Variants in PDE11A observed in about 807,000 individuals in gnomAD.
PDE11A encodes the protein dual 3',5'-cyclic-AMP and -GMP phosphodiesterase 11A.
A neutral mutation model predicts 100.5 loss-of-function variants in PDE11A; 100 were observed. That is an observed-to-expected ratio of 1.00 (90% CI 0.85 to 1.18). PDE11A has a LOEUF of 1.18. Among genes scored for constraint, PDE11A ranks in the 50% most tolerant of loss-of-function variants. The pLI is 0.00. For missense variants in PDE11A, 1,141 were observed against 1,152.6 expected, an observed-to-expected ratio of 0.99 and a Z score of 0.15; for synonymous variants, 381 against 420.8, an observed-to-expected ratio of 0.91 and a Z score of 1.16.
intron 10 of PDE11A, among the ~76,000 whole-genome samples, chr2:177,761,182 G>C (rs1347741244): frequency 6.6e-6 from 1 of 152,112 alleles, no homozygotes; most frequent in Non-Finnish European, 1.5e-5. Context: ...TATCATTACA[G>C]CACACTCCAA....
rs182637855 is a variant in PDE11A, at chr2:177,850,499, C to A, written c.1368-10116G>T. 4.2e-3 allele frequency among the ~76,000 whole-genome samples: 639 copies of A among 152,230 alleles called. 9 individuals carry two copies. Among genetic ancestry groups the A allele is most frequent in the African/African-American group, 0.015 (611 of 41,534 alleles). The stretch of plus-strand genomic sequence containing the variant: ...GGCAAGGACTTCATGTCTAAAACAC[C>A]AAAAGCAATGGCGACAGAAGCCAAA... On this transcript the variant is annotated intron_variant, in intron 5 of 19. Transcript: ENST00000286063.
intron 10 of PDE11A, among the ~76,000 whole-genome samples, chr2:177,732,310 A>G (rs1263532197): frequency 6.6e-6 from 1 of 152,266 alleles, no homozygotes; most frequent in Non-Finnish European, 1.5e-5. Flanking sequence ...AATAGAGAAT[A>G]CCAAGGTCTC....
At chr2:177,935,468 CT>C (rs1248574038) in intron 2 of PDE11A, among the ~76,000 whole-genome samples, 2 of 152,306 alleles carry the variant, frequency 1.3e-5, no homozygotes, top group African/African-American at 4.8e-5. Flanking sequence ...AGTGCTTTTG[CT>C]TTTAAACTGA....
At position 177,636,298 on chromosome 2, in the gene PDE11A, T is replaced by C. The variant is rs1269968419; in HGVS notation, c.2647-6736A>G. On this transcript the variant is annotated intron_variant, in intron 19 of 19. Coordinates refer to ENST00000286063, the MANE Select transcript of PDE11A (RefSeq NM_016953.4). Reference sequence around the variant, plus strand: ...ACTCCAGATGCTAATTTCTACACAGTACACTTGGTATCACTGAAGCATCAT... The same window carrying C: ...ACTCCAGATGCTAATTTCTACACAGCACACTTGGTATCACTGAAGCATCAT... Among the ~76,000 whole-genome samples the C allele has an allele frequency of 2.6e-5, 4 of 152,180 alleles. No homozygotes were observed. The East Asian group carries it at 7.7e-4, about 29-fold the overall frequency.
chr2:178,048,390 A>G (rs756227324), intron 1 of PDE11A, among the ~76,000 whole-genome samples: 4 of 152,162 alleles, frequency 2.6e-5, no homozygotes, highest in African/African-American at 7.2e-5. Flanking sequence ...GTGTATAACA[A>G]TCTGAGAGGT....
At chr2:177,806,445 G>C (rs1381562173) in intron 9 of PDE11A, among the ~76,000 whole-genome samples, 1 of 152,124 alleles carries the variant, frequency 6.6e-6, no homozygotes, top group Non-Finnish European at 1.5e-5. Flanking sequence ...ATTGCAGATG[G>C]TCAAATTTTT....
chr2:177,991,777 T>A (rs948860360), intron 2 of PDE11A, among the ~76,000 whole-genome samples: 2 of 141,286 alleles, frequency 1.4e-5, no homozygotes, highest in Admixed American at 7.1e-5. Flanking sequence ...ATTTTTATGA[T>A]GGCATGAGTT....
At chr2:177,647,675 G>A (rs2080244703) in intron 19 of PDE11A, among the ~76,000 whole-genome samples, 1 of 152,170 alleles carries the variant, frequency 6.6e-6, no homozygotes, top group African/African-American at 2.4e-5. Flanking sequence ...GAATCCCAAT[G>A]TCCCGGATCT....
At chr2:177,873,861 A>C (rs1019284699) in intron 5 of PDE11A, among the ~76,000 whole-genome samples, 1 of 152,228 alleles carries the variant, frequency 6.6e-6, no homozygotes, top group Admixed American at 6.5e-5. Context: ...CTGAATTTAA[A>C]GGCAATAATG....
chr2:177,663,037 G>C (rs2080506226), intron 19 of PDE11A, among the ~76,000 whole-genome samples: 1 of 152,204 alleles, frequency 6.6e-6, no homozygotes, highest in South Asian at 2.1e-4. Context: ...TAGGAAAGCA[G>C]CTCAGTCTGA....
At chr2:178,107,729 T>C (rs1021238435) in intron 1 of PDE11A, among the ~76,000 whole-genome samples, 22 of 147,814 alleles carry the variant, frequency 1.5e-4, no homozygotes, top group African/African-American at 4.8e-4. Flanking sequence ...TTCTTTTTTT[T>C]TTTTTTTTTT....
chr2:177,837,871 G>A (rs775108394), intron 6 of PDE11A, among the ~76,000 whole-genome samples: 4 of 152,196 alleles, frequency 2.6e-5, no homozygotes, highest in Non-Finnish European at 5.9e-5. Flanking sequence ...GGTAATACGG[G>A]ATTTAAAAGG....
intron 15 of PDE11A, 31 bp from the exon 16 acceptor site, chr2:177,680,934 A>G: frequency 3.2e-6 from 4 of 1,234,686 alleles, no homozygotes; most frequent in Non-Finnish European, 4.7e-6. Flanking sequence ...GAAAGAAAGA[A>G]AAAAAAAACT....
chr2:178,014,567 C>T, intron 1 of PDE11A, 107 bp from the exon 2 acceptor site: 1 of 834,222 alleles, frequency 1.2e-6, no homozygotes, highest in Non-Finnish European at 2.0e-6. Context: ...GAACTAGCCC[C>T]ATGAATTTTT....
rs2079881301 is a variant in PDE11A at position 177,629,347 on chromosome 2, C to G, written c.*60G>C. On this transcript the variant is annotated 3_prime_UTR_variant, in exon 20 of 20. Coordinates refer to ENST00000286063, the MANE Select transcript of PDE11A (RefSeq NM_016953.4). ...CTAAAAGAACAAAAGGATGACATTG[C>G]TGGACTGAAAATGGCCCTTCAGGCT... The G allele has an allele frequency of 2.8e-6, 4 of 1,427,636 alleles. No homozygotes were observed. In the South Asian group the frequency reaches 4.6e-5, roughly 16 times the overall value. 88.4% of individuals were successfully genotyped at this position (1,427,636 alleles called of 1,614,324 possible).
intron 9 of PDE11A, among the ~76,000 whole-genome samples, chr2:177,793,287 C>G (rs1306207839): frequency 6.6e-6 from 1 of 152,120 alleles, no homozygotes; most frequent in East Asian, 1.9e-4. Context: ...TGTGCCCCTC[C>G]TCAGTGATAC....
intron 18 of PDE11A, among the ~76,000 whole-genome samples, chr2:177,668,977 C>T (rs78680652): frequency 0.025 from 3,875 of 152,288 alleles, 147 homozygotes; most frequent in African/African-American, 0.087. Flanking sequence ...TAAGTAATAA[C>T]TGAGCAGATA....
At chr2:177,969,799 C>T (rs188981186) in intron 2 of PDE11A, among the ~76,000 whole-genome samples, 51 of 152,024 alleles carry the variant, frequency 3.4e-4, no homozygotes, top group African/African-American at 1.2e-3. Flanking sequence ...TACATATAAC[C>T]GTGAAGACTA....
rs537168719 is a variant in PDE11A, at chr2:177,806,961, G to C, written c.1737+9868C>G. 1.3e-5 allele frequency among the ~76,000 whole-genome samples: 2 copies of C among 151,986 alleles called. 1 individual carries two copies. Among genetic ancestry groups the C allele is most frequent in the South Asian group, 4.2e-4 (2 of 4,806 alleles). Reference sequence around the variant, plus strand: ...ATTTGATTCAACATATACGTAACTGGGTCCAGAAAGAGAGAGAGAATAGGA... The same window carrying C: ...ATTTGATTCAACATATACGTAACTGCGTCCAGAAAGAGAGAGAGAATAGGA... On this transcript the variant is annotated intron_variant, in intron 9 of 19. Coordinates refer to ENST00000286063, the MANE Select transcript of PDE11A (RefSeq NM_016953.4).
Sources: allele counts gnomAD v4.1 joint callset (sites outside exome capture counted in the v4.1 genomes callset), GRCh38; gene constraint gnomAD v4.1.1; transcripts MANE v1.5; gene names NCBI Gene and HGNC (gene_info 2026-07-23, HGNC 2026-07-21).